ATOSA: variants seen among roughly 807,000 people sequenced by gnomAD.
ATOSA encodes atos homolog protein A.
the ATOSA span, chr15:52,601,173 C>CA: frequency 1.8e-5 from 27 of 1,503,312 alleles, no homozygotes; most frequent in Non-Finnish European, 2.1e-5. Flanking sequence ...AACCTAAGGT[C>CA]AAAACGATCA....
chr15:52,605,618 T>G, the ATOSA span, among the ~76,000 whole-genome samples: 26 of 152,174 alleles, frequency 1.7e-4, no homozygotes, highest in African/African-American at 5.8e-4. Flanking sequence ...CTACATCTTA[T>G]GTTTACACAC....
the ATOSA span, among the ~76,000 whole-genome samples, chr15:52,588,711 C>G: frequency 6.6e-6 from 1 of 152,194 alleles, no homozygotes; most frequent in Non-Finnish European, 1.5e-5. Context: ...CTCTGCCACC[C>G]AAAGTGCTGG....
At chr15:52,681,108 T>C in the ATOSA span, among the ~76,000 whole-genome samples, 2 of 152,256 alleles carry the variant, frequency 1.3e-5, no homozygotes, top group Non-Finnish European at 2.9e-5. Context: ...ACTATTCTCT[T>C]TTAAATAATT....
At chr15:52,671,683 C>T in the ATOSA span, among the ~76,000 whole-genome samples, 3 of 152,004 alleles carry the variant, frequency 2.0e-5, no homozygotes, top group African/African-American at 4.8e-5. Context: ...CAGCAATTAA[C>T]ATTCACTGAG....
the ATOSA span, chr15:52,587,385 A>G: frequency 1.7e-6 from 1 of 576,356 alleles, no homozygotes; most frequent in South Asian, 2.4e-5. Flanking sequence ...ACCCCTAAGG[A>G]AACATTTTAC....
At chr15:52,671,970 T>C in the ATOSA span, among the ~76,000 whole-genome samples, 1 of 151,760 alleles carries the variant, frequency 6.6e-6, no homozygotes, top group African/African-American at 2.4e-5. Context: ...ATTGTGGTAT[T>C]ACACATGGGC....
At chr15:52,697,482 A>G in the ATOSA span, among the ~76,000 whole-genome samples, 4 of 152,230 alleles carry the variant, frequency 2.6e-5, no homozygotes, top group Non-Finnish European at 5.9e-5. Context: ...ATAAATGGCT[A>G]GTTGAAATGA....
chr15:52,694,620 G>A, the ATOSA span, among the ~76,000 whole-genome samples: 1 of 151,896 alleles, frequency 6.6e-6, no homozygotes, highest in Non-Finnish European at 1.5e-5. Context: ...AATTGCTTGA[G>A]CCCAGGAGTC....
the ATOSA span, among the ~76,000 whole-genome samples, chr15:52,662,607 A>G: frequency 2.6e-5 from 4 of 151,938 alleles, no homozygotes; most frequent in Admixed American, 1.3e-4. Flanking sequence ...CGTCTCTACT[A>G]AAAATACAAA....
chr15:52,594,924 A>G, the ATOSA span, among the ~76,000 whole-genome samples: 1 of 152,208 alleles, frequency 6.6e-6, no homozygotes, highest in Non-Finnish European at 1.5e-5. Flanking sequence ...TGAGGTCAAC[A>G]TTCATAGCAC....
chr15:52,668,101 A>G, the ATOSA span, among the ~76,000 whole-genome samples: 1 of 152,270 alleles, frequency 6.6e-6, no homozygotes, highest in African/African-American at 2.4e-5. Flanking sequence ...TTGAAGAGAT[A>G]TCTGTACTCC....
At chr15:52,629,918 GA>G in the ATOSA span, among the ~76,000 whole-genome samples, 1 of 152,056 alleles carries the variant, frequency 6.6e-6, no homozygotes, top group African/African-American at 2.4e-5. Context: ...AAATGAAGTA[GA>G]AACAATATAC....
the ATOSA span, chr15:52,609,056 T>G: frequency 2.0e-5 from 33 of 1,613,396 alleles, no homozygotes; most frequent in Middle Eastern, 3.3e-4. Context: ...TCTAAGTTAT[T>G]TTCTTTGTGC....
At chr15:52,633,091 T>C in the ATOSA span, among the ~76,000 whole-genome samples, 1 of 152,300 alleles carries the variant, frequency 6.6e-6, no homozygotes, top group East Asian at 1.9e-4. Context: ...TGATATGTAT[T>C]AGGGGAGAAG....
the ATOSA span, chr15:52,611,838 T>C: frequency 1.2e-5 from 18 of 1,475,950 alleles, no homozygotes; most frequent in African/African-American, 2.8e-5. Flanking sequence ...GTGTTTAAAA[T>C]AGAAAATTAT....
the ATOSA span, among the ~76,000 whole-genome samples, chr15:52,703,349 T>C: frequency 2.0e-5 from 3 of 152,196 alleles, no homozygotes; most frequent in Non-Finnish European, 4.4e-5. Flanking sequence ...ATTTCAACTA[T>C]ACTTCAATAA....
chr15:52,670,074 C>G, the ATOSA span, among the ~76,000 whole-genome samples: 2 of 152,188 alleles, frequency 1.3e-5, no homozygotes, highest in Admixed American at 6.5e-5. Flanking sequence ...CCTACTTTCC[C>G]TCTCCATTGC....
chr15:52,678,230 C>G, the ATOSA span: 2 of 633,746 alleles, frequency 3.2e-6, no homozygotes, highest in East Asian at 5.4e-5. Flanking sequence ...GCGGTGACAG[C>G]ACCCTCGGCT....
the ATOSA span, among the ~76,000 whole-genome samples, chr15:52,703,697 T>G: frequency 6.8e-6 from 1 of 148,034 alleles, no homozygotes; most frequent in African/African-American, 2.5e-5. Flanking sequence ...TGTTAGGGGG[T>G]GGGGGGCTAG....
Sources: gnomAD v4.1 joint callset for allele counts (sites outside exome capture counted in the v4.1 genomes callset) on GRCh38, gnomAD v4.1.1 for gene constraint, MANE v1.5 for transcripts, NCBI Gene and HGNC (gene_info 2026-07-23, HGNC 2026-07-21) for gene names.